The following CTNNA1 variants were observed in gnomAD, a reference collection of about 807,000 sequenced individuals.
CTNNA1 encodes catenin alpha 1.
Under a neutral mutation model 98.4 loss-of-function variants are expected in CTNNA1, and 37 were observed. The observed-to-expected ratio is 0.38, with a 90% CI of 0.29 to 0.49. The LOEUF is 0.49. Ranked by LOEUF, CTNNA1 falls within the 20% of genes least tolerant of loss-of-function variation. The probability of loss-of-function intolerance (pLI) is 0.95; values close to 1 mark genes in which losing one functional copy is unlikely to be tolerated. For synonymous variants in CTNNA1, 404 were observed against 413.2 expected (o/e 0.98, Z 0.27); for missense variants, 761 against 1,147.2 (o/e 0.66, Z 4.86).
chr5:138,806,786 C>T (rs1259574068), intron 3 of CTNNA1, among the ~76,000 whole-genome samples: 17 of 151,782 alleles, frequency 1.1e-4, no homozygotes, highest in Non-Finnish European at 1.0e-4. Flanking sequence ...ATATACAAGC[C>T]TTATTGTATA....
At chr5:138,791,952 T>G (rs556735979) in intron 3 of CTNNA1, among the ~76,000 whole-genome samples, 2 of 152,252 alleles carry the variant, frequency 1.3e-5, no homozygotes, top group Non-Finnish European at 2.9e-5. Context: ...GCTGCACTCA[T>G]TCTCAGCTTT....
At chr5:138,759,254 A>T (rs568183481) in intron 1 of CTNNA1, among the ~76,000 whole-genome samples, 2 of 152,068 alleles carry the variant, frequency 1.3e-5, no homozygotes, top group Admixed American at 1.3e-4. Flanking sequence ...GACTCTTCTC[A>T]TTCCCAGGGT....
chr5:138,821,131 G>A (rs1185879895), intron 5 of CTNNA1, among the ~76,000 whole-genome samples: 16 of 152,206 alleles, frequency 1.1e-4, no homozygotes, highest in Admixed American at 1.0e-3. Context: ...TTCTAATTAA[G>A]TGTGGCTGGA....
intron 3 of CTNNA1, among the ~76,000 whole-genome samples, chr5:138,809,114 C>T (rs969068508): frequency 1.6e-4 from 24 of 152,248 alleles, no homozygotes; most frequent in African/African-American, 5.8e-4. Flanking sequence ...CCTCACAAAG[C>T]GCCGAGATTG....
At chr5:138,856,214 G>T (rs1334480641) in intron 7 of CTNNA1, among the ~76,000 whole-genome samples, 1 of 152,132 alleles carries the variant, frequency 6.6e-6, no homozygotes, top group Non-Finnish European at 1.5e-5. Flanking sequence ...CAACAGTGAA[G>T]CCATTAATGA....
At chr5:138,775,622 A>G (rs992829020) in intron 1 of CTNNA1, among the ~76,000 whole-genome samples, 36 of 151,632 alleles carry the variant, frequency 2.4e-4, no homozygotes, top group African/African-American at 4.4e-4. Context: ...AATTTTGTCA[A>G]TTGTCTCAAT....
chr5:138,805,205 C>T (rs1757963779), intron 3 of CTNNA1, among the ~76,000 whole-genome samples: 1 of 152,188 alleles, frequency 6.6e-6, no homozygotes, highest in African/African-American at 2.4e-5. Flanking sequence ...TCCCACCAGG[C>T]CCCACCTCCA....
chr5:138,892,892 T>C (rs1755794494), intron 9 of CTNNA1, among the ~76,000 whole-genome samples: 1 of 151,970 alleles, frequency 6.6e-6, no homozygotes, highest in South Asian at 2.1e-4. Context: ...GGCAGGTGCC[T>C]GTAATCCCAG....
intron 7 of CTNNA1, among the ~76,000 whole-genome samples, chr5:138,851,368 G>A (rs1393584138): frequency 6.6e-6 from 1 of 152,176 alleles, no homozygotes; most frequent in Non-Finnish European, 1.5e-5. Context: ...AGAAGGTGAT[G>A]CTACTTTGCC....
intron 7 of CTNNA1, among the ~76,000 whole-genome samples, chr5:138,841,416 C>T (rs1035730146): frequency 6.6e-5 from 10 of 152,038 alleles, no homozygotes; most frequent in South Asian, 2.1e-4. Flanking sequence ...CCCGCTACCA[C>T]GCCCGGCTAA....
rs1055039391 is a variant in CTNNA1, at chr5:138,934,498, T to A, written c.*409T>A. 1.8e-5 allele frequency: 3 copies of A among 169,052 alleles called. No individual in the cohort carries two copies. The highest frequency in any genetic ancestry group is 7.2e-5 in the African/African-American group (3 of 41,554). 10.5% of individuals were successfully genotyped at this position (169,052 alleles called of 1,614,324 possible). A position where few individuals can be genotyped will look rare whatever the true frequency, so the allele number is the denominator to read the frequency against. On this transcript the variant is annotated 3_prime_UTR_variant, in exon 18 of 18. Transcript: ENST00000302763. ...TTGACTGCTTTTAAATGACCAAAGA[T>A]GACCTGTGGTAAGCAACCTGGGCAT...
intron 1 of CTNNA1, chr5:138,754,312 T>A (rs143972591): frequency 6.6e-6 from 1 of 150,596 alleles, no homozygotes; most frequent in Non-Finnish European, 1.5e-5. Context: ...TTGGAAAAAA[T>A]GTTGCCTGAA....
chr5:138,754,933 T>G (rs925805544), intron 1 of CTNNA1: 6 of 152,066 alleles, frequency 3.9e-5, no homozygotes, highest in African/African-American at 1.5e-4. Context: ...AATTTTTGTA[T>G]TTTTGGTAGA....
In CTNNA1 at chr5:138,827,684, C is replaced by T. The variant is rs1561568512; in HGVS notation, c.1028C>T (p.Ala343Val). The T allele has an allele frequency of 1.9e-6, 3 of 1,614,212 alleles. No homozygotes were observed. The highest frequency in any genetic ancestry group is 2.5e-6 in the Non-Finnish European group (3 of 1,180,048). Residue 343 changes from alanine (A) to valine (V), a missense_variant, in exon 7 of 18, where the codon GCC becomes GTC. This residue lies in a region of CTNNA1 where 287 missense variants were observed against 436.0 expected (regional missense o/e 0.66). Coordinates refer to ENST00000302763, the MANE Select transcript of CTNNA1 (RefSeq NM_001903.5). Reference protein sequence around the residue: ...IVAECNAVRQALQDLLSEYMG... With the variant: ...IVAECNAVRQVLQDLLSEYMG... ...GCAGAGTGTAATGCTGTCCGCCAGG[C>T]CCTGCAGGACCTGCTTTCGGAGTAC...
At chr5:138,924,482 C>T (rs768984411) in intron 11 of CTNNA1, 28 bp from the exon 12 acceptor site, 83 of 1,611,728 alleles carry the variant, frequency 5.1e-5, no homozygotes, top group Non-Finnish European at 5.2e-5. Context: ...AGCCTCCTTC[C>T]TCATTCAACT....
At chr5:138,792,244 A>G (rs1404652687) in intron 3 of CTNNA1, among the ~76,000 whole-genome samples, 1 of 152,196 alleles carries the variant, frequency 6.6e-6, no homozygotes, top group Admixed American at 6.5e-5. Flanking sequence ...GAATCTTGGC[A>G]AGGCAATTTT....
At position 138,779,707 on chromosome 5, in the gene CTNNA1, G is replaced by GT. The variant is rs1239025258; in HGVS notation, c.-2-2207dup. On this transcript the variant is annotated intron_variant, in intron 1 of 17. Transcript: ENST00000302763. ...AAATACTTGGGCACTGATAACACTG[G>GT]TTTTTTTTTGTTTTTGTTTTTTTTT... is the stretch of plus-strand genomic sequence containing the variant. Among the ~76,000 whole-genome samples, 229 of 67,968 alleles carry GT rather than the reference G, an allele frequency of 3.4e-3. 2 individuals are homozygous for GT. Among genetic ancestry groups the GT allele is most frequent in the East Asian group, 0.033 (4 of 122 alleles). 44.6% of individuals were successfully genotyped at this position (67,968 alleles called of 152,430 possible).
intron 4 of CTNNA1, among the ~76,000 whole-genome samples, chr5:138,810,877 G>T (rs1410022437): frequency 2.0e-5 from 3 of 149,528 alleles, no homozygotes; most frequent in African/African-American, 7.4e-5. Context: ...CCGGGCAGAG[G>T]CGCCCCTCAC....
chr5:138,800,273 G>C (rs1757433916), intron 3 of CTNNA1, among the ~76,000 whole-genome samples: 1 of 152,192 alleles, frequency 6.6e-6, no homozygotes, highest in Non-Finnish European at 1.5e-5. Context: ...TGTGGGTGCA[G>C]GGCTGCTATA....
Sources: gnomAD v4.1 joint callset for allele counts (sites outside exome capture counted in the v4.1 genomes callset) on GRCh38, gnomAD v4.1.1 for gene constraint, gnomAD v4.1.1 regional missense constraint, MANE v1.5 for transcripts, NCBI Gene and HGNC (gene_info 2026-07-23, HGNC 2026-07-21) for gene names.